Variants in LRRC49 observed in about 807,000 individuals in gnomAD.
The protein encoded by LRRC49 is leucine rich repeat containing 49.
In LRRC49, 50 loss-of-function variants were observed where a neutral mutation model predicts 83.3. The ratio of observed to expected loss-of-function variants is 0.60; its 90% confidence interval spans 0.48 to 0.76. LRRC49 has a LOEUF of 0.76. Among genes scored for constraint, LRRC49 ranks in the 30% least tolerant of loss-of-function variants. The pLI is 0.00. For missense variants in LRRC49, 704 were observed against 809.1 expected, an observed-to-expected ratio of 0.87 and a Z score of 1.58; for synonymous variants, 286 against 283.3, an observed-to-expected ratio of 1.01 and a Z score of -0.10.
chr15:70,868,066 G>A (rs1480976134), intron 1 of LRRC49, among the ~76,000 whole-genome samples: 1 of 152,160 alleles, frequency 6.6e-6, no homozygotes, highest in Non-Finnish European at 1.5e-5. Context: ...GAAAGGGAGG[G>A]GGGTGCTAAT....
chr15:70,988,541 A>C (rs1299154393), intron 11 of LRRC49, among the ~76,000 whole-genome samples: 1 of 152,058 alleles, frequency 6.6e-6, no homozygotes, highest in Admixed American at 6.6e-5. Context: ...TCTGCATGTG[A>C]GATGGGTTTC....
At chr15:70,859,886 A>T in intron 1 of LRRC49, 5 of 769,294 alleles carry the variant, frequency 6.5e-6, no homozygotes, top group Non-Finnish European at 7.2e-6. Context: ...TGCCACCTAC[A>T]GGAAGCTGCT....
chr15:71,006,495 G>T (rs2038462574), intron 11 of LRRC49, among the ~76,000 whole-genome samples: 1 of 152,084 alleles, frequency 6.6e-6, no homozygotes, highest in Admixed American at 6.6e-5. Context: ...ACCTGATTCT[G>T]TGTCTATATC....
chr15:70,958,840 G>A (rs993014292), intron 8 of LRRC49, among the ~76,000 whole-genome samples: 5 of 152,116 alleles, frequency 3.3e-5, no homozygotes, highest in African/African-American at 1.2e-4. Context: ...TAATAGCAGG[G>A]TATCTTTTTA....
chr15:70,992,817 C>G (rs2037935394), intron 11 of LRRC49, among the ~76,000 whole-genome samples: 1 of 152,170 alleles, frequency 6.6e-6, no homozygotes, highest in African/African-American at 2.4e-5. Context: ...CCCAGTTAGG[C>G]TACTCGGGGG....
At chr15:70,955,412 C>T (rs2036364817) in intron 8 of LRRC49, among the ~76,000 whole-genome samples, 1 of 152,140 alleles carries the variant, frequency 6.6e-6, no homozygotes, top group Non-Finnish European at 1.5e-5. Context: ...ATTTTCTACC[C>T]TTTCTAGTCT....
rs140009708 is a variant in LRRC49, at chr15:70,922,268, G to T, written c.711+3075G>T. On this transcript the variant is annotated intron_variant, in intron 7 of 15. Coordinates refer to ENST00000260382, the MANE Select transcript of LRRC49 (RefSeq NM_017691.5). ...ACTGTTTACAATAGCTAAGATTTGG[G>T]AACAACCTAAGTGTCCATTAACAGA... is the stretch of plus-strand genomic sequence containing the variant. 2.2e-4 allele frequency among the ~76,000 whole-genome samples: 34 copies of T among 152,146 alleles called. No individual in the cohort carries two copies. In the East Asian group the frequency reaches 6.0e-3, roughly 27 times the overall value.
intron 15 of LRRC49, among the ~76,000 whole-genome samples, chr15:71,047,891 C>T (rs982879852): frequency 6.6e-6 from 1 of 151,968 alleles, no homozygotes; most frequent in African/African-American, 2.4e-5. Context: ...ATTCTCCTGC[C>T]TCAGCCTCCC....
intron 8 of LRRC49, among the ~76,000 whole-genome samples, chr15:70,943,292 C>T (rs546008900): frequency 6.6e-6 from 1 of 152,196 alleles, no homozygotes; most frequent in East Asian, 1.9e-4. Flanking sequence ...CAATTCTTGC[C>T]TCCTCAGAAG....
In LRRC49 at chr15:71,041,330, G is replaced by A. The variant is rs549602127; in HGVS notation, c.1857+3998G>A. On this transcript the variant is annotated intron_variant, in intron 15 of 15. Coordinates refer to ENST00000260382, the MANE Select transcript of LRRC49 (RefSeq NM_017691.5). ...ATGAAACAAGAGAAGGAAATCAATG[G>A]TCATTTGAAAAGAAGGAAGTAAACT... Among the ~76,000 whole-genome samples, 14 of 152,170 alleles carry A rather than the reference G, an allele frequency of 9.2e-5. No homozygotes were observed. The South Asian group carries it at 2.3e-3, about 25-fold the overall frequency.
At chr15:71,022,435 C>T (rs1776782806) in intron 14 of LRRC49, among the ~76,000 whole-genome samples, 1 of 152,016 alleles carries the variant, frequency 6.6e-6, no homozygotes. Context: ...TGAAGTTCAA[C>T]TATATGTTGT....
At chr15:70,961,471 C>T (rs181437189) in intron 8 of LRRC49, among the ~76,000 whole-genome samples, 149 of 152,280 alleles carry the variant, frequency 9.8e-4, no homozygotes, top group Non-Finnish European at 2.5e-4. Flanking sequence ...CAGCTTTATT[C>T]ATAATCAACA....
At chr15:71,035,290 TAGA>T (rs577890827) in intron 14 of LRRC49, among the ~76,000 whole-genome samples, 7 of 152,306 alleles carry the variant, frequency 4.6e-5, no homozygotes, top group South Asian at 2.1e-4. Context: ...CAAAAATTTA[TAGA>T]AGAAGTTTGC....
At chr15:70,908,104 G>A in intron 5 of LRRC49, 1 of 426,744 alleles carries the variant, frequency 2.3e-6, no homozygotes, top group Non-Finnish European at 4.8e-6. Flanking sequence ...TTAACTGATT[G>A]AACGACTTGG....
chr15:71,010,896 A>C (rs1341648582), intron 13 of LRRC49, among the ~76,000 whole-genome samples: 1 of 152,102 alleles, frequency 6.6e-6, no homozygotes, highest in Non-Finnish European at 1.5e-5. Flanking sequence ...GATTAACTGT[A>C]ATCAACTTTC....
At chr15:70,990,064 G>A (rs555944061) in intron 11 of LRRC49, among the ~76,000 whole-genome samples, 1 of 152,292 alleles carries the variant, frequency 6.6e-6, no homozygotes, top group Non-Finnish European at 1.5e-5. Flanking sequence ...TCCCAGTTAG[G>A]CTGCTCGGGG....
At chr15:70,974,386 G>T (rs2037130257) in intron 9 of LRRC49, among the ~76,000 whole-genome samples, 1 of 152,132 alleles carries the variant, frequency 6.6e-6, no homozygotes, top group Admixed American at 6.5e-5. Flanking sequence ...TTTGATTCAA[G>T]TATACTTACA....
chr15:70,917,725 G>A (rs2034841871), intron 6 of LRRC49, among the ~76,000 whole-genome samples: 1 of 152,182 alleles, frequency 6.6e-6, no homozygotes, highest in African/African-American at 2.4e-5. Context: ...GCTGCTCCCT[G>A]TGGGTTTCCT....
chr15:71,002,366 GAC>G (rs1296093374), intron 11 of LRRC49, among the ~76,000 whole-genome samples: 1 of 152,032 alleles, frequency 6.6e-6, no homozygotes, highest in Non-Finnish European at 1.5e-5. Flanking sequence ...AAAAATTATA[GAC>G]ACAAAAAGGG....
Sources: allele counts gnomAD v4.1 joint callset (sites outside exome capture counted in the v4.1 genomes callset), GRCh38; gene constraint gnomAD v4.1.1; transcripts MANE v1.5; gene names NCBI Gene and HGNC (gene_info 2026-07-23, HGNC 2026-07-21).